The following SETBP1 variants were observed in gnomAD, a reference collection of about 807,000 sequenced individuals.
The protein encoded by SETBP1 is SET-binding protein.
A neutral mutation model predicts 101.0 loss-of-function variants in SETBP1; 9 were observed. The observed-to-expected ratio is 0.09, with a 90% CI of 0.05 to 0.16. The LOEUF is 0.16. Ranked by LOEUF, SETBP1 falls within the 10% of genes least tolerant of loss-of-function variation. SETBP1 has a pLI of 1.00. For synonymous variants in SETBP1, 818 were observed against 788.5 expected, an observed-to-expected ratio of 1.04 and a Z score of -0.63; for missense variants, 1,858 against 2,033.8, an observed-to-expected ratio of 0.91 and a Z score of 1.66.
chr18:44,948,723 T>C (rs1160144232), intron 3 of SETBP1, among the ~76,000 whole-genome samples: 1 of 152,244 alleles, frequency 6.6e-6, no homozygotes, highest in East Asian at 1.9e-4. Flanking sequence ...TTTGAACTAG[T>C]ATCATGGCTT....
At chr18:44,766,246 A>G (rs1005054929) in intron 2 of SETBP1, among the ~76,000 whole-genome samples, 7 of 152,258 alleles carry the variant, frequency 4.6e-5, no homozygotes, top group Admixed American at 4.6e-4. Context: ...GCAGTGGACA[A>G]CGGGTCATGG....
At chr18:44,775,879 C>A (rs1158958754) in intron 2 of SETBP1, among the ~76,000 whole-genome samples, 3 of 152,178 alleles carry the variant, frequency 2.0e-5, no homozygotes, top group African/African-American at 7.2e-5. Flanking sequence ...AGAAGCAGAT[C>A]CCTGCTCAAG....
At chr18:44,832,087 C>A (rs1159123850) in intron 2 of SETBP1, among the ~76,000 whole-genome samples, 2 of 152,156 alleles carry the variant, frequency 1.3e-5, no homozygotes, top group Non-Finnish European at 2.9e-5. Flanking sequence ...TCCTTTGGCT[C>A]TGGAGAACAG....
At chr18:45,037,009 A>T (rs1239978243) in intron 4 of SETBP1, among the ~76,000 whole-genome samples, 1 of 152,238 alleles carries the variant, frequency 6.6e-6, no homozygotes, top group East Asian at 1.9e-4. Flanking sequence ...AAATGGTAAT[A>T]TCCACACTAC....
intron 3 of SETBP1, among the ~76,000 whole-genome samples, chr18:44,938,598 G>A (rs541920829): frequency 3.3e-5 from 5 of 152,322 alleles, no homozygotes; most frequent in Admixed American, 1.3e-4. Context: ...CAGAGGAGGC[G>A]GGGCAGTGTT....
Position 44,683,107 on chromosome 18 carries a change from A to G in SETBP1, c.-173+2086A>G, listed in dbSNP as rs185654376. ...GGCCACTTCTAGCTTGGGAGAAAATATCAACTGCCTTATATGTTCATGAAA... is the reference window on the plus strand; with the variant it reads ...GGCCACTTCTAGCTTGGGAGAAAATGTCAACTGCCTTATATGTTCATGAAA... On this transcript the variant is annotated intron_variant, in intron 1 of 5. Coordinates refer to ENST00000649279, the MANE Select transcript of SETBP1 (RefSeq NM_015559.3). Among the ~76,000 whole-genome samples the G allele has an allele frequency of 2.2e-3, 342 of 152,310 alleles. 3 individuals carry two copies. The South Asian group carries it at 0.023, about 10-fold the overall frequency.
intron 1 of SETBP1, among the ~76,000 whole-genome samples, chr18:44,698,935 G>T (rs886400126): frequency 6.6e-6 from 1 of 151,990 alleles, no homozygotes; most frequent in Admixed American, 6.6e-5. Flanking sequence ...TGTAAGAAAT[G>T]ATTGTTTCAT....
At chr18:44,981,399 A>G (rs1471491997) in intron 4 of SETBP1, among the ~76,000 whole-genome samples, 2 of 152,222 alleles carry the variant, frequency 1.3e-5, no homozygotes, top group Non-Finnish European at 1.5e-5. Flanking sequence ...CACGGAATCA[A>G]TGCTTACAGT....
At chr18:44,879,710 T>A (rs1435538145) in intron 3 of SETBP1, among the ~76,000 whole-genome samples, 2 of 152,178 alleles carry the variant, frequency 1.3e-5, no homozygotes, top group Non-Finnish European at 2.9e-5. Flanking sequence ...AACACTGTAG[T>A]CCTGGGAGAA....
At chr18:44,988,321 A>G (rs1376368460) in intron 4 of SETBP1, 3 of 152,262 alleles carry the variant, frequency 2.0e-5, no homozygotes, top group Non-Finnish European at 4.4e-5. Context: ...GCTAAGAACA[A>G]ATAAGTGATG....
intron 3 of SETBP1, among the ~76,000 whole-genome samples, chr18:44,916,445 CTTT>C (rs1006168884): frequency 1.3e-5 from 2 of 152,122 alleles, no homozygotes; most frequent in Non-Finnish European, 2.9e-5. Context: ...TCTGTCTTTC[CTTT>C]TTTTCTTTCT....
chr18:45,051,444 C>T (rs2073719420), intron 5 of SETBP1, among the ~76,000 whole-genome samples: 1 of 152,082 alleles, frequency 6.6e-6, no homozygotes, highest in Non-Finnish European at 1.5e-5. Context: ...CATTATGATT[C>T]TGATTCACAT....
chr18:45,027,594 T>C (rs1273914719), intron 4 of SETBP1, among the ~76,000 whole-genome samples: 1 of 152,214 alleles, frequency 6.6e-6, no homozygotes, highest in East Asian at 1.9e-4. Context: ...GGGACGCACT[T>C]AACTTTAACA....
At chr18:44,777,031 GT>G (rs1343204991) in intron 2 of SETBP1, among the ~76,000 whole-genome samples, 1 of 152,202 alleles carries the variant, frequency 6.6e-6, no homozygotes, top group African/African-American at 2.4e-5. Context: ...ATAAAATAAG[GT>G]AGGCCAGGTG....
At chr18:44,764,916 G>A (rs965330007) in intron 2 of SETBP1, among the ~76,000 whole-genome samples, 3 of 152,180 alleles carry the variant, frequency 2.0e-5, no homozygotes, top group Non-Finnish European at 4.4e-5. Context: ...CTCACATTGT[G>A]TCCTTGTGCC....
chr18:44,759,494 G>T (rs2070587325), intron 2 of SETBP1, among the ~76,000 whole-genome samples: 1 of 152,118 alleles, frequency 6.6e-6, no homozygotes, highest in African/African-American at 2.4e-5. Context: ...TTTGGCCTTT[G>T]AGCTGACTCT....
At chr18:44,751,879 G>A (rs1342926979) in intron 2 of SETBP1, among the ~76,000 whole-genome samples, 9 of 152,172 alleles carry the variant, frequency 5.9e-5, no homozygotes, top group Non-Finnish European at 1.2e-4. Context: ...ACTTCTTGGT[G>A]AGGGCTCTCT....
rs201973930 is a variant in SETBP1, at chr18:45,063,547, C to A, written c.4640C>A (p.Thr1547Asn). 2,209 of 1,368,854 alleles carry A rather than the reference C, an allele frequency of 1.6e-3. 61 individuals are homozygous for A. In the Admixed American group the frequency reaches 0.048, roughly 30 times the overall value. The allele number at this position is 1,368,854 out of a possible 1,614,324, so 84.8% of individuals were successfully genotyped here. Residue 1547 changes from threonine to asparagine, a missense_variant, in exon 6 of 6, where the codon ACC becomes AAC. Physicochemically the swap from Thr to Asn is moderately conservative, Grantham distance 65 (BLOSUM62 0). Around this residue, in one of 12 missense-constraint regions of SETBP1, gnomAD observed 178 missense variants for 189.1 expected, o/e 0.94. Transcript: ENST00000649279. ...PLPPPPPLPKTPRGGKRKHKP... is the reference protein window; with the variant it reads ...PLPPPPPLPKNPRGGKRKHKP... ...CCCCCGCCACCCCCTCTACCCAAGACCCCCCGAGGCGGAAAGAGGAAACAC... is the reference window on the plus strand; with the variant it reads ...CCCCCGCCACCCCCTCTACCCAAGAACCCCCGAGGCGGAAAGAGGAAACAC...
In SETBP1 at chr18:44,949,865, C is replaced by T; in HGVS notation, c.541-16C>T. The T allele has an allele frequency of 1.9e-6, 3 of 1,600,944 alleles. No homozygotes were observed. Among genetic ancestry groups the T allele is most frequent in the South Asian group, 1.1e-5 (1 of 90,846 alleles). ...CTCTCTCTGTCTCTCTCCCTCTCCA[C>T]TCCACCCACCCTTAGGCTTACGAGA... On this transcript the variant is annotated splice_polypyrimidine_tract_variant and intron_variant, in intron 3 of 5. Coordinates refer to ENST00000649279, the MANE Select transcript of SETBP1 (RefSeq NM_015559.3).
Sources: gnomAD v4.1 joint callset for allele counts (sites outside exome capture counted in the v4.1 genomes callset) on GRCh38, gnomAD v4.1.1 for gene constraint, gnomAD v4.1.1 regional missense constraint, MANE v1.5 for transcripts, NCBI Gene and HGNC (gene_info 2026-07-23, HGNC 2026-07-21) for gene names.